Variants in MEGF8 observed in about 807,000 individuals in gnomAD.
The protein encoded by MEGF8 is multiple EGF like domains 8.
MEGF8 carries 156 observed loss-of-function variants against 302.9 expected under a neutral mutation model. That is an observed-to-expected ratio of 0.52 (90% confidence interval 0.45 to 0.59). The LOEUF is 0.59. MEGF8 is among the 20% of genes least tolerant of loss of function. The pLI, the probability that MEGF8 is intolerant of heterozygous loss-of-function variation, is 0.00. For missense variants in MEGF8, 3,345 were observed against 3,964.5 expected (o/e 0.84, Z 4.20); for synonymous variants, 1,621 against 1,660.5 (o/e 0.98, Z 0.58).
chr19:42,354,385 C>T lies in MEGF8; in HGVS notation c.4012-203C>T, dbSNP rs2039422000. 6.6e-6 allele frequency among the ~76,000 whole-genome samples: 1 copy of T among 152,068 alleles called. No homozygotes were observed. Among genetic ancestry groups the T allele is most frequent in the Non-Finnish European group, 1.5e-5 (1 of 68,024 alleles). On this transcript the variant is annotated intron_variant, in intron 22 of 41. Coordinates refer to ENST00000251268, the MANE Select transcript of MEGF8 (RefSeq NM_001271938.2). The surrounding 1 kb of genome is among the most constrained non-coding windows in gnomAD (Gnocchi z 4.3). ...AGAAAGGGGCTCAATGCAAGAGTGC[C>T]TGATAGATGAGCCGTGTCTACTTTG...
At position 42,343,487 on chromosome 19, in the gene MEGF8, G is replaced by T. The variant is rs748837091; in HGVS notation, c.1524G>T (p.Ala508=). ...APPGTPEGRA[A]PPSGRYSHVA... ...TCTCTATTCCCCTAGGCCGAGCAGC[G>T]CCTCCCAGTGGTCGGTACTCACATG... Residue 508 remains alanine (A), a synonymous_variant, in exon 9 of 42, where the codon GCG becomes GCT. Transcript: ENST00000251268. The T allele has an allele frequency of 1.9e-6, 3 of 1,601,896 alleles. No individual in the cohort carries two copies. In the African/African-American group the frequency reaches 4.0e-5, roughly 21 times the overall value.
intron 41 of MEGF8, among the ~76,000 whole-genome samples, chr19:42,373,141 G>GGA (rs1283234311): frequency 6.6e-6 from 1 of 151,540 alleles, no homozygotes; most frequent in Admixed American, 6.6e-5. Context: ...TCGCCAAGCT[G>GGA]GAGTGCAGTG....
intron 32 of MEGF8, among the ~76,000 whole-genome samples, chr19:42,361,861 G>A (rs1276696601): frequency 6.6e-6 from 1 of 152,158 alleles, no homozygotes; most frequent in African/African-American, 2.4e-5. Context: ...AGAAGGCTTC[G>A]GTGGCTGCAT....
chr19:42,359,906 G>A (rs928111013), intron 31 of MEGF8, among the ~76,000 whole-genome samples: 3 of 132,634 alleles, frequency 2.3e-5, no homozygotes, highest in Non-Finnish European at 4.6e-5. Context: ...TGTTGCCCAC[G>A]CTGGTCTTGA....
rs185080282 is a variant in MEGF8 at position 42,354,171 on chromosome 19, C to T, written c.4011+147C>T. 341 of 1,014,874 alleles carry T rather than the reference C, an allele frequency of 3.4e-4. 2 individuals are homozygous for T. The East Asian group carries it at 7.8e-3, about 23-fold the overall frequency. The allele number at this position is 1,014,874 out of a possible 1,614,324, so 62.9% of individuals were successfully genotyped here. A position where few individuals can be genotyped will look rare whatever the true frequency, so the allele number is the denominator to read the frequency against. On this transcript the variant is annotated intron_variant, in intron 22 of 41. Coordinates refer to ENST00000251268, the MANE Select transcript of MEGF8 (RefSeq NM_001271938.2). The surrounding 1 kb of genome is among the most constrained non-coding windows in gnomAD (Gnocchi z 4.3). ...TCAAAACCCAAACTCCTCCTCAGAT[C>T]CCCAGCACTTTGTTCCTAGGCCCAC...
Position 42,351,258 on chromosome 19 carries a change from G to A in MEGF8, c.2779G>A (p.Asp927Asn). ...EWHQSTSRKG[D>N]AACSRRGRGR... ...GCATCAGAGCACCAGCCGCAAAGGG[G>A]ACGCGGCATGCAGCCGGCGGGGCCG... is the stretch of plus-strand genomic sequence containing the variant. Residue 927 changes from aspartate (D) to asparagine (N), a missense_variant, in exon 16 of 42, where the codon GAC becomes AAC. Asp to Asn is a conservative substitution (Grantham distance 23). Transcript: ENST00000251268. This position sits in a 1 kb window ranked among gnomAD's most constrained non-coding sequence, Gnocchi z 5.6. 6.4e-7 allele frequency: 1 copy of A among 1,572,412 alleles called. No homozygotes were observed. Among genetic ancestry groups the A allele is most frequent in the South Asian group, 1.2e-5 (1 of 85,782 alleles).
At chr19:42,337,864 C>T (rs1056760302) in intron 8 of MEGF8, among the ~76,000 whole-genome samples, 3 of 150,280 alleles carry the variant, frequency 2.0e-5, no homozygotes, top group East Asian at 2.0e-4. Context: ...AGTGCAGTAG[C>T]GTGATCTCAG....
chr19:42,359,354 C>A, intron 31 of MEGF8, 112 bp downstream of exon 31: 1 of 969,448 alleles, frequency 1.0e-6, no homozygotes. Context: ...GACCCACTGG[C>A]AGAGCTCCCG....
chr19:42,366,632 CTGCTGGGTGCTT>C (rs1226667678), intron 35 of MEGF8, among the ~76,000 whole-genome samples: 12 of 152,216 alleles, frequency 7.9e-5, no homozygotes, highest in African/African-American at 2.4e-4. Flanking sequence ...CACCTTCTTT[CTGCTGGGTGCTT>C]TGCTAGGCAG....
chr19:42,353,190 C>T lies in MEGF8; in HGVS notation c.3550+63C>T. 6.9e-7 allele frequency: 1 copy of T among 1,439,784 alleles called. No individual in the cohort carries two copies. Among genetic ancestry groups the T allele is most frequent in the South Asian group, 1.3e-5 (1 of 76,040 alleles). 89.2% of individuals were successfully genotyped at this position (1,439,784 alleles called of 1,614,324 possible). ...GGAGCCTCCTCCCTTCTTGGGGCTC[C>T]AGTTTGCTCTTCTTGGAGGGGGCCT... is the stretch of plus-strand genomic sequence containing the variant. On this transcript the variant is annotated intron_variant, in intron 20 of 41. Coordinates refer to ENST00000251268, the MANE Select transcript of MEGF8 (RefSeq NM_001271938.2). This position sits in a 1 kb window ranked among gnomAD's most constrained non-coding sequence, Gnocchi z 6.1.
rs199938628 is a variant in MEGF8, at chr19:42,349,636, G to C, written c.2436G>C (p.Ser812=). 6.2e-7 allele frequency: 1 copy of C among 1,611,426 alleles called. No individual in the cohort carries two copies. Among genetic ancestry groups the C allele is most frequent in the Non-Finnish European group, 8.5e-7 (1 of 1,179,760 alleles). The part of the protein sequence containing the change: ...AVEIQGQLNG[S]AGPGHSELTL... ...AGATCCAGGGCCAGCTCAATGGCTC[G>C]GCAGGCCCTGGGCACAGCGAGCTAA... The change falls in exon 14 of 42, where the codon TCG becomes TCC. Residue 812 remains serine, a synonymous_variant. Coordinates refer to ENST00000251268, the MANE Select transcript of MEGF8 (RefSeq NM_001271938.2).
chr19:42,328,365 C>A (rs1052780684), intron 1 of MEGF8, among the ~76,000 whole-genome samples: 1 of 152,102 alleles, frequency 6.6e-6, no homozygotes, highest in African/African-American at 2.4e-5. Flanking sequence ...GGCTGTGGAG[C>A]TTTGTCTTTG....
At position 42,356,910 on chromosome 19, in the gene MEGF8, C is replaced by T. The variant is rs764292493; in HGVS notation, c.4759C>T (p.Leu1587Phe). 6.2e-7 allele frequency: 1 copy of T among 1,610,432 alleles called. No homozygotes were observed. The highest frequency in any genetic ancestry group is 8.5e-7 in the Non-Finnish European group (1 of 1,178,560). Reference protein sequence around the residue: ...GRGAMYLLGGLTAGGVTRDFW... With the variant: ...GRGAMYLLGGFTAGGVTRDFW... ...TGGTGCCATGTATCTGCTGGGGGGA[C>T]TTACCGCTGGAGGCGTCACCCGTGA... is the stretch of plus-strand genomic sequence containing the variant. Residue 1587 changes from leucine to phenylalanine, a missense_variant, in exon 27 of 42, where the codon CTT becomes TTT. Coordinates refer to ENST00000251268, the MANE Select transcript of MEGF8 (RefSeq NM_001271938.2). This position sits in a 1 kb window ranked among gnomAD's most constrained non-coding sequence, Gnocchi z 5.2.
In MEGF8 at chr19:42,355,816, G is replaced by T. The variant is rs183527379; in HGVS notation, c.4203G>T (p.Ser1401=). 1 of 1,575,066 alleles carries T rather than the reference G, an allele frequency of 6.3e-7. No homozygotes were observed. Among genetic ancestry groups the T allele is most frequent in the Non-Finnish European group, 8.6e-7 (1 of 1,159,944 alleles). Residue 1401 remains serine, a synonymous_variant, in exon 24 of 42, where the codon TCG becomes TCT. Coordinates refer to ENST00000251268, the MANE Select transcript of MEGF8 (RefSeq NM_001271938.2). ...CCTCATCCTGGGGCTTCAATGCTTC[G>T]GTGGGCTCTGCCCGCTGTGGGTCAG... ...NGSSSWGFNA[S]VGSARCGSGG...
Position 42,333,660 on chromosome 19 carries a change from C to T in MEGF8, c.243C>T (p.Cys81=), listed in dbSNP as rs1437337539. Residue 81 remains cysteine, a synonymous_variant, in exon 2 of 42, where the codon TGC becomes TGT. Transcript: ENST00000251268. ...LLDFLFLDTE[C]TYDYLFVYDG... is the part of the protein sequence containing the mutation. ...ACTTCCTTTTCCTGGACACAGAGTGCACGTATGACTACCTGTTCGTGTATG... is the reference window on the plus strand; with the variant it reads ...ACTTCCTTTTCCTGGACACAGAGTGTACGTATGACTACCTGTTCGTGTATG... 1.2e-6 allele frequency: 2 copies of T among 1,613,900 alleles called. No homozygotes were observed. Among genetic ancestry groups the T allele is most frequent in the African/African-American group, 2.7e-5 (2 of 74,924 alleles).
Position 42,326,211 on chromosome 19 carries a change from T to C in MEGF8, c.-33T>C. On this transcript the variant is annotated 5_prime_UTR_variant, in exon 1 of 42. Coordinates refer to ENST00000251268, the MANE Select transcript of MEGF8 (RefSeq NM_001271938.2). ...GTCCTCTCCAGGTTTTTACGGCCTG[T>C]CCCCGCTCTAAGGGTCAGTGCAGGA... 6.8e-7 allele frequency: 1 copy of C among 1,472,134 alleles called. No homozygotes were observed. The highest frequency in any genetic ancestry group is 8.9e-7 in the Non-Finnish European group (1 of 1,119,064). The allele number at this position is 1,472,134 out of a possible 1,614,324, so 91.2% of individuals were successfully genotyped here.
In MEGF8 at chr19:42,354,614, A is replaced by G; in HGVS notation, c.4038A>G (p.Gly1346=). 6.2e-7 allele frequency: 1 copy of G among 1,612,806 alleles called. No homozygotes were observed. The highest frequency in any genetic ancestry group is 8.5e-7 in the Non-Finnish European group (1 of 1,179,690). Residue 1346 remains glycine (G), a synonymous_variant, in exon 23 of 42, where the codon GGA becomes GGG. Transcript: ENST00000251268. This position sits in a 1 kb window ranked among gnomAD's most constrained non-coding sequence, Gnocchi z 4.3. ...CTLSYVLAFD[G]FPRFLDTGVV... is the part of the protein sequence containing the mutation. ...TGAGCTACGTCCTGGCGTTTGATGG[A>G]TTCCCACGCTTCCTGGACACTGGTG...
At position 42,350,081 on chromosome 19, in the gene MEGF8, A is replaced by C. The variant is rs2039346454; in HGVS notation, c.2500-67A>C. 7.7e-6 allele frequency: 10 copies of C among 1,304,252 alleles called. No homozygotes were observed. The South Asian group carries it at 1.4e-4, about 18-fold the overall frequency. 80.8% of individuals were successfully genotyped at this position (1,304,252 alleles called of 1,614,324 possible). On this transcript the variant is annotated intron_variant, in intron 14 of 41. Coordinates refer to ENST00000251268, the MANE Select transcript of MEGF8 (RefSeq NM_001271938.2). ...ACCTGGGCTCCAAACCCTTACTTTC[A>C]GTTAGCGCCAGACTCTGACCCCTGC...
chr19:42,346,413 G>A (rs531443986), intron 12 of MEGF8, among the ~76,000 whole-genome samples: 1 of 152,164 alleles, frequency 6.6e-6, no homozygotes, highest in East Asian at 1.9e-4. Context: ...GTGATGTCGG[G>A]TGCCTGTAAT....
Sources: gnomAD v4.1 joint callset for allele counts (sites outside exome capture counted in the v4.1 genomes callset) on GRCh38, gnomAD v4.1.1 for gene constraint, Gnocchi (gnomAD v3.1) non-coding constraint, MANE v1.5 for transcripts, NCBI Gene and HGNC (gene_info 2026-07-23, HGNC 2026-07-21) for gene names.